Variants in PPM1B observed in about 807,000 individuals in gnomAD.
PPM1B encodes the protein protein phosphatase 1B.
In PPM1B, 22 loss-of-function variants were observed where a neutral mutation model predicts 43.0. That is an observed-to-expected ratio of 0.51 (90% CI 0.37 to 0.73). The LOEUF (loss-of-function observed/expected upper bound fraction) is 0.73, where lower values mean the gene tolerates loss of function less well. Ranked by LOEUF, PPM1B falls within the 30% of genes least tolerant of loss-of-function variation. The pLI, the probability that PPM1B is intolerant of heterozygous loss-of-function variation, is 0.00. For missense variants in PPM1B, 632 were observed against 584.2 expected (o/e 1.08, Z -0.84); for synonymous variants, 217 against 197.9 (o/e 1.10, Z -0.81).
At chr2:44,204,882 AAAGAT>A (rs1669100068) in intron 2 of PPM1B, among the ~76,000 whole-genome samples, 3 of 151,412 alleles carry the variant, frequency 2.0e-5, no homozygotes, top group Non-Finnish European at 2.9e-5. Flanking sequence ...AAAAAAAAAA[AAAGAT>A]AAGCATTTTT....
At chr2:44,213,013 C>CA (rs57091283) in intron 3 of PPM1B, among the ~76,000 whole-genome samples, 1,622 of 64,226 alleles carry the variant, frequency 0.025, 24 homozygotes, top group African/African-American at 0.044. Context: ...ACTCCGTTTC[C>CA]AAAAAAAAAA....
At position 44,240,442 on chromosome 2, in the gene PPM1B, CTG is replaced by C. The variant is rs1462003877; in HGVS notation, n.1547-3784_1547-3783del. Among the ~76,000 whole-genome samples the C allele has an allele frequency of 2.7e-5, 4 of 145,784 alleles. 1 individual carries two copies. The East Asian group carries it at 8.2e-4, about 30-fold the overall frequency. On this transcript the variant is annotated intron_variant and non_coding_transcript_variant, in intron 5 of 5. Transcript: ENST00000378540. ...GGGAGCCTAAGGCAAATGGAAAACTCTGTAATGATTATTTTTTTCCCTTTTTC... is the reference window on the plus strand; with the variant it reads ...GGGAGCCTAAGGCAAATGGAAAACTCTAATGATTATTTTTTTCCCTTTTTC...
chr2:44,234,950 T>TG (rs1476635165), downstream of PPM1B, among the ~76,000 whole-genome samples: 1 of 152,214 alleles, frequency 6.6e-6, no homozygotes, highest in Non-Finnish European at 1.5e-5. Context: ...TTTGTGCTTT[T>TG]GCGTTCAGTC....
intron 5 of PPM1B, among the ~76,000 whole-genome samples, chr2:44,225,134 G>C (rs1670154744): frequency 6.6e-6 from 1 of 152,136 alleles, no homozygotes; most frequent in Admixed American, 6.5e-5. Flanking sequence ...TCCTTACTTT[G>C]TAGGGTACCT....
chr2:44,199,344 C>T (rs1185228012), intron 1 of PPM1B, among the ~76,000 whole-genome samples: 1 of 147,130 alleles, frequency 6.8e-6, no homozygotes, highest in Non-Finnish European at 1.5e-5. Context: ...AAAAATTGAG[C>T]CAGGTATGGT....
downstream of PPM1B, chr2:44,233,114 C>A: frequency 1.0e-6 from 1 of 978,674 alleles, no homozygotes; most frequent in Non-Finnish European, 1.2e-6. Context: ...ATGAGATTTG[C>A]CTTTATAATG....
intron 1 of PPM1B, among the ~76,000 whole-genome samples, chr2:44,186,826 T>G (rs1192795129): frequency 2.0e-5 from 3 of 152,246 alleles, no homozygotes; most frequent in African/African-American, 7.2e-5. Flanking sequence ...TCTTTTTGTG[T>G]AGATGACTTT....
intron 1 of PPM1B, among the ~76,000 whole-genome samples, chr2:44,182,367 C>G (rs1190036712): frequency 6.6e-6 from 1 of 152,094 alleles, no homozygotes; most frequent in South Asian, 2.1e-4. Context: ...TCAAGTGATT[C>G]TCCTGCCTCA....
downstream of PPM1B, chr2:44,232,977 T>A (rs575809294): frequency 1.6e-5 from 16 of 980,508 alleles, no homozygotes; most frequent in East Asian, 1.6e-3. Context: ...TATAAACCCT[T>A]ACAAATTTTA....
At chr2:44,202,484 GAGCCTC>G (rs1668987172) in intron 2 of PPM1B, among the ~76,000 whole-genome samples, 1 of 152,098 alleles carries the variant, frequency 6.6e-6, no homozygotes. Context: ...ATTTAGTCCT[GAGCCTC>G]CTAGCAGTGA....
intron 5 of PPM1B, among the ~76,000 whole-genome samples, chr2:44,228,718 A>T (rs1454504435): frequency 6.6e-6 from 1 of 152,218 alleles, no homozygotes; most frequent in Non-Finnish European, 1.5e-5. Flanking sequence ...ATGTTGGAAC[A>T]GCTGTATATT....
chr2:44,218,148 C>A (rs1669811918), intron 4 of PPM1B, 70 bp downstream of exon 4: 6 of 1,157,744 alleles, frequency 5.2e-6, no homozygotes, highest in Non-Finnish European at 7.8e-6. Context: ...GGTAAAAAAA[C>A]TTAAATCAGA....
Position 44,240,268 on chromosome 2 carries a change from G to A in PPM1B, n.1547-3960G>A, listed in dbSNP as rs754986649. ...GGGGATATAATATTGAAAATTGTTC[G>A]CCCTTCCTATAATTATTTTGTGTGT... On this transcript the variant is annotated intron_variant and non_coding_transcript_variant, in intron 5 of 5. Coordinates refer to the PPM1B transcript ENST00000378540. 2.4e-4 allele frequency among the ~76,000 whole-genome samples: 35 copies of A among 145,634 alleles called. 4 individuals carry two copies. The highest frequency in any genetic ancestry group is 2.1e-4 in the East Asian group (1 of 4,868).
At chr2:44,172,110 T>C (rs1360651241) in intron 1 of PPM1B, among the ~76,000 whole-genome samples, 1 of 152,182 alleles carries the variant, frequency 6.6e-6, no homozygotes, top group Non-Finnish European at 1.5e-5. Flanking sequence ...ATTCAAGTAA[T>C]AGCATAAAAT....
intron 5 of PPM1B, among the ~76,000 whole-genome samples, chr2:44,225,907 C>T (rs922777130): frequency 2.6e-5 from 4 of 151,816 alleles, no homozygotes. Flanking sequence ...CCACCTACCT[C>T]GGCCTCCAAA....
chr2:44,230,615 C>T lies in PPM1B; in HGVS notation c.1337C>T (p.Pro446Leu). ...TCTTCGAACAGTGATGCTGGAAACC[C>T]AGTGACAATGCAGGAAAGCCATACT... Reference protein sequence around the residue: ...ATSSNSDAGNPVTMQESHTES... With the variant: ...ATSSNSDAGNLVTMQESHTES... Residue 446 changes from proline (P) to leucine (L), a missense_variant, in exon 6 of 6, where the codon CCA becomes CTA. Coordinates refer to ENST00000282412, the MANE Select transcript of PPM1B (RefSeq NM_002706.6). The T allele has an allele frequency of 1.2e-6, 2 of 1,614,134 alleles. No individual in the cohort carries two copies. Among genetic ancestry groups the T allele is most frequent in the Non-Finnish European group, 8.5e-7 (1 of 1,180,004 alleles).
chr2:44,194,019 G>A lies in PPM1B; in HGVS notation c.-14-7167G>A, dbSNP rs538206254. ...ATGAACTACTGCATCACCCAGCCTG[G>A]TTTTGTTTATTTGTTTGTTTGTTTG... On this transcript the variant is annotated intron_variant, in intron 1 of 5. Coordinates refer to ENST00000282412, the MANE Select transcript of PPM1B (RefSeq NM_002706.6). 5.9e-5 allele frequency among the ~76,000 whole-genome samples: 9 copies of A among 152,188 alleles called. No homozygotes were observed. The South Asian group carries it at 1.7e-3, about 28-fold the overall frequency.
chr2:44,210,963 C>A (rs1414050973), intron 3 of PPM1B, among the ~76,000 whole-genome samples: 1 of 151,994 alleles, frequency 6.6e-6, no homozygotes, highest in East Asian at 1.9e-4. Flanking sequence ...TGGTGAAATC[C>A]CATCTGTACT....
intron 1 of PPM1B, among the ~76,000 whole-genome samples, chr2:44,178,169 T>G (rs1469250329): frequency 6.6e-6 from 1 of 151,908 alleles, no homozygotes; most frequent in East Asian, 1.9e-4. Context: ...ATCCACCTCC[T>G]TTGGCCTCCT....
Sources: allele counts gnomAD v4.1 joint callset (sites outside exome capture counted in the v4.1 genomes callset), GRCh38; gene constraint gnomAD v4.1.1; transcripts MANE v1.5; gene names NCBI Gene and HGNC (gene_info 2026-07-23, HGNC 2026-07-21).